The following PRKG1 variants were observed in gnomAD, a reference collection of about 807,000 sequenced individuals.
PRKG1 encodes the protein cGMP-dependent protein kinase 1.
In PRKG1, 35 loss-of-function variants were observed where a neutral mutation model predicts 88.1. That is an observed-to-expected ratio of 0.40 (90% CI 0.30 to 0.53). The LOEUF (loss-of-function observed/expected upper bound fraction) is 0.53. PRKG1 is among the 20% of genes least tolerant of loss of function. The probability of loss-of-function intolerance (pLI) is 0.59; values close to 1 mark genes in which losing one functional copy is unlikely to be tolerated. For synonymous variants in PRKG1, 303 were observed against 292.5 expected (o/e 1.04, Z -0.37); for missense variants, 540 against 839.8 (o/e 0.64, Z 4.41).
chr10:51,001,642 A>G (rs1842890684), intron 1 of PRKG1, among the ~76,000 whole-genome samples: 1 of 152,186 alleles, frequency 6.6e-6, no homozygotes, highest in South Asian at 2.1e-4. Context: ...TTCTTTCTAG[A>G]GCATTGTTCA....
In PRKG1 at chr10:52,036,737, C is replaced by G. The variant is rs1192238489; in HGVS notation, c.763-17747C>G. On this transcript the variant is annotated intron_variant, in intron 5 of 17. Transcript: ENST00000373980. ...AGACAATTTAGTTAAAGTGTCTCAG[C>G]CTAATAAGGGAACTGGGCAGGTGGG... is the stretch of plus-strand genomic sequence containing the variant. Among the ~76,000 whole-genome samples the G allele has an allele frequency of 3.3e-5, 5 of 152,086 alleles. 1 individual carries two copies. The highest frequency in any genetic ancestry group is 3.4e-3 in the Middle Eastern group (1 of 294).
chr10:51,377,154 C>T (rs1299590931), intron 2 of PRKG1, among the ~76,000 whole-genome samples: 1 of 151,858 alleles, frequency 6.6e-6, no homozygotes, highest in African/African-American at 2.4e-5. Context: ...AGTCTCTATG[C>T]TAACTGTATG....
At chr10:51,433,304 C>T (rs1054286716) in intron 2 of PRKG1, among the ~76,000 whole-genome samples, 5 of 151,998 alleles carry the variant, frequency 3.3e-5, no homozygotes, top group African/African-American at 9.7e-5. Context: ...AGACTCTTCA[C>T]GTAGAAGAAA....
In PRKG1 at chr10:51,601,721, ATTTTTTTTTTTTTTTTTTTTTTTTTTTT is replaced by A. The variant is rs749205610; in HGVS notation, c.592+133906_592+133933del. Among the ~76,000 whole-genome samples the A allele has an allele frequency of 1.2e-3, 51 of 43,576 alleles. 1 individual carries two copies. The highest frequency in any genetic ancestry group is 2.4e-3 in the African/African-American group (32 of 13,346). The allele number at this position is 43,576 out of a possible 152,430, so 28.6% of individuals were successfully genotyped here. Reference sequence around the variant, plus strand: ...TTTTAGAAATAAAGTGGCAGATTGAATTTTTTTTTTTTTTTTTTTTTTTTTTTTTTTTTTTTTTTTTTTTTTTTGTAAG... The same window carrying A: ...TTTTAGAAATAAAGTGGCAGATTGAATTTTTTTTTTTTTTTTTTTTGTAAG... On this transcript the variant is annotated intron_variant, in intron 3 of 17. Transcript: ENST00000373980.
At position 51,029,845 on chromosome 10, in the gene PRKG1, G is replaced by A. The variant is rs151018994; in HGVS notation, c.266+38201G>A. Among the ~76,000 whole-genome samples, 551 of 152,224 alleles carry A rather than the reference G, an allele frequency of 3.6e-3. 2 individuals are homozygous for A. Among genetic ancestry groups the A allele is most frequent in the Non-Finnish European group, 7.0e-3 (476 of 68,012 alleles). ...TTAGATTACCTGCGTCCAAACCAGG[G>A]CTCCCCTATTTGCTGGCTGTGTAAC... On this transcript the variant is annotated intron_variant, in intron 1 of 17. Coordinates refer to the PRKG1 transcript ENST00000401604.
chr10:51,912,265 C>G (rs1227967396), intron 5 of PRKG1, among the ~76,000 whole-genome samples: 1 of 152,180 alleles, frequency 6.6e-6, no homozygotes, highest in Non-Finnish European at 1.5e-5. Flanking sequence ...GAAAATTAAG[C>G]AGGACCAAGT....
chr10:51,881,535 A>T (rs1018917930), intron 4 of PRKG1, among the ~76,000 whole-genome samples: 1 of 152,172 alleles, frequency 6.6e-6, no homozygotes, highest in East Asian at 1.9e-4. Context: ...ATTTGAATGG[A>T]TTCAAAAATG....
chr10:52,168,644 A>G (rs934501472), intron 9 of PRKG1, among the ~76,000 whole-genome samples: 3 of 152,084 alleles, frequency 2.0e-5, no homozygotes, highest in Admixed American at 2.0e-4. Context: ...AGGGAGAATA[A>G]TCAAAATATT....
intron 6 of PRKG1, among the ~76,000 whole-genome samples, chr10:52,060,170 A>C (rs1263411769): frequency 6.6e-6 from 1 of 151,948 alleles, no homozygotes; most frequent in Non-Finnish European, 1.5e-5. Context: ...GATGGCATGG[A>C]CATTACAGGT....
At chr10:51,210,864 C>T (rs181503828) in intron 2 of PRKG1, among the ~76,000 whole-genome samples, 81 of 152,298 alleles carry the variant, frequency 5.3e-4, no homozygotes, top group African/African-American at 1.8e-3. Context: ...GATGGATTCA[C>T]AGCCGAATTC....
chr10:51,016,673 C>CTTGTTTTTTTTTTTTTTTT (rs1564571435), intron 1 of PRKG1, among the ~76,000 whole-genome samples: 1 of 35,184 alleles, frequency 2.8e-5, no homozygotes, highest in African/African-American at 1.4e-4. Context: ...ATTATCCTTT[C>CTTGTTTTTTTTTTTTTTTT]TTTTTTTTTT....
chr10:51,087,193 T>C (rs890299126), intron 1 of PRKG1, among the ~76,000 whole-genome samples: 3 of 152,180 alleles, frequency 2.0e-5, no homozygotes, highest in Non-Finnish European at 4.4e-5. Flanking sequence ...TCATTTTTTT[T>C]CTGGACCTAG....
intron 3 of PRKG1, among the ~76,000 whole-genome samples, chr10:51,593,515 T>C (rs1838364350): frequency 6.6e-6 from 1 of 152,142 alleles, no homozygotes; most frequent in African/African-American, 2.4e-5. Context: ...AACTGCTGAT[T>C]GAATAGATTT....
At chr10:51,797,453 ATATT>A (rs1215763388) in intron 3 of PRKG1, among the ~76,000 whole-genome samples, 5 of 146,000 alleles carry the variant, frequency 3.4e-5, no homozygotes, top group Non-Finnish European at 6.0e-5. Context: ...TATTTATACT[ATATT>A]TATAATATAC....
intron 7 of PRKG1, among the ~76,000 whole-genome samples, chr10:52,089,155 G>C (rs188600069): frequency 3.0e-4 from 45 of 152,204 alleles, no homozygotes; most frequent in African/African-American, 1.1e-3. Flanking sequence ...GAACCAGGTG[G>C]TAATTCCAAA....
intron 1 of PRKG1, among the ~76,000 whole-genome samples, chr10:51,093,801 TACACACAC>T (rs57772981): frequency 5.5e-5 from 7 of 127,670 alleles, no homozygotes; most frequent in East Asian, 4.5e-4. Context: ...TATATATATA[TACACACAC>T]ACACACACAC....
intron 5 of PRKG1, chr10:52,046,835 C>A (rs938617475): frequency 6.6e-6 from 1 of 152,134 alleles, no homozygotes; most frequent in Non-Finnish European, 1.5e-5. Flanking sequence ...CAAAAGGCTG[C>A]ACTCTCCTAA....
chr10:52,295,848 A>C lies in PRKG1; in HGVS notation c.*1948A>C, dbSNP rs1461531813. On this transcript the variant is annotated 3_prime_UTR_variant, in exon 18 of 18. Transcript: ENST00000373980. ...GGAGGATAAAATGAAAAGGGTATAA[A>C]CTTCAATTAGAACTTTAATCCTAAA... 1 of 151,944 alleles carries C rather than the reference A, an allele frequency of 6.6e-6. No individual in the cohort carries two copies. Among genetic ancestry groups the C allele is most frequent in the Admixed American group, 6.6e-5 (1 of 15,232 alleles). The allele number at this position is 151,944 out of a possible 1,614,324, so 9.4% of individuals were successfully genotyped here.
chr10:52,009,119 G>C (rs1440968210), intron 5 of PRKG1, among the ~76,000 whole-genome samples: 1 of 151,954 alleles, frequency 6.6e-6, no homozygotes, highest in Non-Finnish European at 1.5e-5. Flanking sequence ...AACAGCTCAA[G>C]TGTGCCCTCT....
Sources: allele counts gnomAD v4.1 joint callset (sites outside exome capture counted in the v4.1 genomes callset), GRCh38; gene constraint gnomAD v4.1.1; transcripts MANE v1.5; gene names NCBI Gene and HGNC (gene_info 2026-07-23, HGNC 2026-07-21).